MRPL39: variants seen among roughly 807,000 people sequenced by gnomAD.
The protein encoded by MRPL39 is large ribosomal subunit protein mL39.
In MRPL39, 35 loss-of-function variants were observed where a neutral mutation model predicts 44.5. The observed-to-expected ratio is 0.79, with a 90% CI of 0.60 to 1.04. MRPL39 has a LOEUF of 1.04. MRPL39 is among the 50% of genes least tolerant of loss of function. The pLI, the probability that MRPL39 is intolerant of heterozygous loss-of-function variation, is 0.00. For missense variants in MRPL39, 433 were observed against 413.5 expected (o/e 1.05, Z -0.41); for synonymous variants, 139 against 136.1 (o/e 1.02, Z -0.15).
chr21:25,601,174 A>G (rs2031510913), intron 4 of MRPL39, among the ~76,000 whole-genome samples, 194 bp downstream of exon 4: 1 of 152,206 alleles, frequency 6.6e-6, no homozygotes, highest in Non-Finnish European at 1.5e-5. Context: ...AACACTTTCC[A>G]GTAATTCTAT....
At chr21:25,604,027 G>C (rs550733499) in intron 2 of MRPL39, 92 bp from the exon 3 acceptor site, 1 of 1,197,150 alleles carries the variant, frequency 8.4e-7, no homozygotes, top group South Asian at 1.5e-5. Context: ...ACAATGGAAA[G>C]GCAAGATTCT....
intron 2 of MRPL39, among the ~76,000 whole-genome samples, chr21:25,606,189 A>C (rs1266584677): frequency 6.6e-6 from 1 of 152,172 alleles, no homozygotes; most frequent in Non-Finnish European, 1.5e-5. Context: ...TATGGTGCCC[A>C]GGCTGGTCTT....
intron 8 of MRPL39, 106 bp from the exon 9 acceptor site, chr21:25,588,988 C>T (rs1450852292): frequency 9.1e-6 from 9 of 986,396 alleles, no homozygotes; most frequent in South Asian, 1.6e-5. Flanking sequence ...AAAAGCTAGG[C>T]AGTACTAATT....
At chr21:25,607,348 G>C in intron 1 of MRPL39, 55 bp downstream of exon 1, 1 of 1,600,696 alleles carries the variant, frequency 6.2e-7, no homozygotes, top group Non-Finnish European at 8.6e-7. Context: ...ACCCAATCTA[G>C]ACAGACACCA....
chr21:25,604,025 A>C, intron 2 of MRPL39, 90 bp from the exon 3 acceptor site: 1 of 1,229,204 alleles, frequency 8.1e-7, no homozygotes, highest in Non-Finnish European at 1.1e-6. Context: ...TAACAATGGA[A>C]AGGCAAGATT....
At chr21:25,593,246 T>C (rs2031239922) in intron 7 of MRPL39, among the ~76,000 whole-genome samples, 1 of 152,214 alleles carries the variant, frequency 6.6e-6, no homozygotes, top group African/African-American at 2.4e-5. Flanking sequence ...CTGATCCAAT[T>C]GCCTAAAACC....
chr21:25,586,164 C>A (rs2030991999), intron 9 of MRPL39, among the ~76,000 whole-genome samples: 1 of 151,914 alleles, frequency 6.6e-6, no homozygotes, highest in Admixed American at 6.6e-5. Context: ...TCTCTATGTC[C>A]CTATTTCTAT....
chr21:25,599,743 T>C, intron 5 of MRPL39, 56 bp downstream of exon 5: 1 of 1,403,130 alleles, frequency 7.1e-7, no homozygotes, highest in Non-Finnish European at 1.0e-6. Flanking sequence ...ATAGGAATCA[T>C]TCTAACAAAG....
chr21:25,600,290 G>A (rs905317756), intron 4 of MRPL39, among the ~76,000 whole-genome samples: 14 of 150,128 alleles, frequency 9.3e-5, no homozygotes, highest in Non-Finnish European at 1.9e-4. Flanking sequence ...CAGCTACTTG[G>A]GAGTCTGAGG....
intron 2 of MRPL39, among the ~76,000 whole-genome samples, chr21:25,606,060 G>C (rs1265845506): frequency 6.6e-6 from 1 of 152,152 alleles, no homozygotes; most frequent in East Asian, 1.9e-4. Flanking sequence ...CAGAACTACA[G>C]GGACAGTGAA....
At chr21:25,597,204 C>T (rs2123241504) in intron 6 of MRPL39, 98 bp downstream of exon 6, 1 of 729,954 alleles carries the variant, frequency 1.4e-6, no homozygotes. Context: ...TACACTGTCA[C>T]ATGTATATCA....
Position 25,603,927 on chromosome 21 carries a change from C to A in MRPL39, c.289G>T (p.Glu97Ter). ...TPYSCAMHLS[E>*]WYCRKSILAL... ...AGAATGGACTTCCTGCAATACCACT[C>A]GCTTAAATCTAGAAATTTAAAACAG... Residue 97 changes from glutamate (E) to a stop codon, truncating the protein, a stop_gained, in exon 3 of 10, where the codon GAG (glutamate) becomes TAG (stop). Transcript: ENST00000352957. LOFTEE classifies it high-confidence loss of function. The A allele has an allele frequency of 1.2e-6, 2 of 1,605,732 alleles. No individual in the cohort carries two copies. Among genetic ancestry groups the A allele is most frequent in the Non-Finnish European group, 1.7e-6 (2 of 1,177,870 alleles).
At chr21:25,597,822 G>C (rs989657531) in intron 5 of MRPL39, among the ~76,000 whole-genome samples, 2 of 152,002 alleles carry the variant, frequency 1.3e-5, no homozygotes, top group Non-Finnish European at 2.9e-5. Flanking sequence ...TTAAATATAT[G>C]GGGAAAAATT....
At chr21:25,606,377 T>C in intron 2 of MRPL39, 72 bp downstream of exon 2, 2 of 1,318,326 alleles carry the variant, frequency 1.5e-6, no homozygotes, top group Non-Finnish European at 2.1e-6. Context: ...TACAGCATCC[T>C]GTCTCCTGCA....
intron 8 of MRPL39, among the ~76,000 whole-genome samples, chr21:25,590,242 G>A (rs180915741): frequency 6.6e-5 from 10 of 152,048 alleles, no homozygotes; most frequent in African/African-American, 2.2e-4. Flanking sequence ...GGCTATGAGG[G>A]GAAAAGAGAA....
In MRPL39 at chr21:25,597,391, T is replaced by C. The variant is rs1135618; in HGVS notation, c.612A>G (p.Lys204=). 1,265,641 of 1,579,684 alleles carry C rather than the reference T, an allele frequency of 0.8. 509,231 individuals are homozygous for C. Among genetic ancestry groups the C allele is most frequent in the Non-Finnish European group, 0.82 (946,814 of 1,154,886 alleles). The stretch of plus-strand genomic sequence containing the variant: ...CTTTATAAATTAAAGCATGAGCATC[T>C]TTTGTGAAGGAACGTAAGTTCTCCT... ...PTKENLRSFT[K]DAHALIYKDL... Residue 204 remains lysine (K), a synonymous_variant, in exon 6 of 10, where the codon AAA becomes AAG. Transcript: ENST00000352957.
chr21:25,595,481 C>G (rs2031327668), intron 6 of MRPL39, among the ~76,000 whole-genome samples: 1 of 152,132 alleles, frequency 6.6e-6, no homozygotes, highest in Non-Finnish European at 1.5e-5. Flanking sequence ...TACAAAAGTC[C>G]CAGAAGCCGC....
intron 9 of MRPL39, among the ~76,000 whole-genome samples, chr21:25,586,368 T>A (rs767649587): frequency 1.3e-4 from 20 of 152,202 alleles, no homozygotes; most frequent in Non-Finnish European, 1.9e-4. Context: ...AAGTTAACTC[T>A]CACAGTCATT....
At chr21:25,605,763 G>C (rs2031644827) in intron 2 of MRPL39, among the ~76,000 whole-genome samples, 3 of 152,246 alleles carry the variant, frequency 2.0e-5, no homozygotes, top group Admixed American at 6.5e-5. Context: ...AATTAGCCAG[G>C]TGTGATGGTG....
Sources: allele counts gnomAD v4.1 joint callset (sites outside exome capture counted in the v4.1 genomes callset), GRCh38; gene constraint gnomAD v4.1.1; transcripts MANE v1.5; gene names NCBI Gene and HGNC (gene_info 2026-07-23, HGNC 2026-07-21).